Variants in KAT6A observed in about 807,000 individuals in gnomAD.
KAT6A encodes lysine acetyltransferase 6A.
KAT6A carries 9 observed loss-of-function variants against 198.4 expected under a neutral mutation model. The ratio of observed to expected loss-of-function variants is 0.05; its 90% CI spans 0.03 to 0.08. The LOEUF (loss-of-function observed/expected upper bound fraction) is 0.08, where lower values mean the gene tolerates loss of function less well. Ranked by LOEUF, KAT6A falls within the 10% of genes least tolerant of loss-of-function variation. The pLI, the probability that KAT6A is intolerant of heterozygous loss-of-function variation, is 1.00. For missense variants in KAT6A, 2,077 were observed against 2,509.9 expected, an observed-to-expected ratio of 0.83 and a Z score of 3.69; for synonymous variants, 890 against 883.0, an observed-to-expected ratio of 1.01 and a Z score of -0.14.
chr8:41,986,893 C>A lies in KAT6A; in HGVS notation c.709+562G>T, dbSNP rs141843993. 1.4e-3 allele frequency among the ~76,000 whole-genome samples: 215 copies of A among 152,178 alleles called. 3 individuals are homozygous for A. Among genetic ancestry groups the A allele is most frequent in the African/African-American group, 4.6e-3 (193 of 41,512 alleles). ...TCTCTACTAAAAATATAAAAATTAG[C>A]CAGGTGTGGTGGCAGGCACCTGTAA... On this transcript the variant is annotated intron_variant, in intron 3 of 16. Transcript: ENST00000265713.
intron 9 of KAT6A, among the ~76,000 whole-genome samples, chr8:41,950,757 G>GTC (rs1822627375): frequency 6.6e-6 from 1 of 152,052 alleles, no homozygotes; most frequent in Non-Finnish European, 1.5e-5. Flanking sequence ...CAACTGTTAG[G>GTC]TCTCAGCACA....
intron 15 of KAT6A, among the ~76,000 whole-genome samples, chr8:41,939,536 C>T (rs1454357113): frequency 1.3e-5 from 2 of 152,114 alleles, no homozygotes; most frequent in African/African-American, 4.8e-5. Flanking sequence ...TGCCCAGCTT[C>T]CCTATACATA....
chr8:41,987,516 T>G lies in KAT6A; in HGVS notation c.648A>C (p.Lys216Asn). 6.2e-7 allele frequency: 1 copy of G among 1,613,866 alleles called. No individual in the cohort carries two copies. Among genetic ancestry groups the G allele is most frequent in the Non-Finnish European group, 8.5e-7 (1 of 1,179,744 alleles). ...CTGGCTTCTTTTCTCGGTTTTGTTC[T>G]TTTGTACCAAGACAGAAACTACAGA... ...IPICSFCLGT[K>N]EQNREKKPEE... The change falls in exon 3 of 17, where the codon AAA becomes AAC. Residue 216 changes from lysine (K) to asparagine (N), a missense_variant. Transcript: ENST00000265713.
At chr8:41,943,068 T>C in intron 13 of KAT6A, 68 bp from the exon 14 acceptor site, 1 of 1,590,372 alleles carries the variant, frequency 6.3e-7, no homozygotes, top group South Asian at 1.1e-5. Context: ...AATGTGGAGA[T>C]GAGACCCCTG....
intron 8 of KAT6A, among the ~76,000 whole-genome samples, chr8:41,973,845 C>T (rs1823921621): frequency 6.6e-6 from 1 of 152,088 alleles, no homozygotes; most frequent in Admixed American, 6.5e-5. Context: ...TCCTTTAAGG[C>T]CCCTCAATGA....
chr8:42,029,520 G>A (rs989179822), intron 2 of KAT6A, among the ~76,000 whole-genome samples: 1 of 148,562 alleles, frequency 6.7e-6, no homozygotes, highest in Non-Finnish European at 1.5e-5. Flanking sequence ...CCTTTCTTCT[G>A]CTTGATCTAG....
intron 8 of KAT6A, among the ~76,000 whole-genome samples, chr8:41,962,307 C>T (rs1012065915): frequency 5.3e-5 from 8 of 152,128 alleles, no homozygotes; most frequent in Non-Finnish European, 1.2e-4. Context: ...CCACTATCTA[C>T]TTGATATCCC....
intron 3 of KAT6A, among the ~76,000 whole-genome samples, chr8:41,982,695 T>C (rs891685573): frequency 1.3e-5 from 2 of 152,256 alleles, no homozygotes; most frequent in Non-Finnish European, 2.9e-5. Flanking sequence ...GGTATCACCA[T>C]GCTAGTGTTA....
chr8:42,013,686 T>C (rs1317863170), intron 2 of KAT6A, among the ~76,000 whole-genome samples: 1 of 152,232 alleles, frequency 6.6e-6, no homozygotes, highest in Non-Finnish European at 1.5e-5. Context: ...AAAACTGTCC[T>C]TGATATTTAC....
chr8:41,950,384 C>T (rs1407946446), intron 9 of KAT6A, among the ~76,000 whole-genome samples: 1 of 152,128 alleles, frequency 6.6e-6, no homozygotes, highest in Non-Finnish European at 1.5e-5. Flanking sequence ...TTCCTGAATA[C>T]CTGGATTCTG....
intron 14 of KAT6A, chr8:41,942,217 ACAGGATGTTTTGGTGCCCCAT>A (rs1408419968): frequency 9.2e-6 from 2 of 217,092 alleles, no homozygotes; most frequent in Non-Finnish European, 1.9e-5. Flanking sequence ...CTGTGTGTCC[ACAGGATGTTTTGGTGCCCCAT>A]CAGAAAACAT....
intron 2 of KAT6A, among the ~76,000 whole-genome samples, chr8:42,022,237 A>G (rs1225810662): frequency 6.6e-6 from 1 of 152,126 alleles, no homozygotes; most frequent in Non-Finnish European, 1.5e-5. Context: ...TCAGTATCAA[A>G]CCTGATACTG....
chr8:41,932,482 G>A lies in KAT6A; in HGVS notation c.5738C>T (p.Ser1913Phe), dbSNP rs1821599462. 6.2e-7 allele frequency: 1 copy of A among 1,614,246 alleles called. No homozygotes were observed. The highest frequency in any genetic ancestry group is 8.5e-7 in the Non-Finnish European group (1 of 1,180,036). ...GGCATTCAAGGTGTTCATATTCATG[G>A]AATTGACATTATAGGCGGGAGTAGG... ...LMPTPAYNVN[S>F]MNMNTLNAMN... Residue 1913 changes from serine to phenylalanine, a missense_variant, in exon 17 of 17, where the codon TCC becomes TTC. Transcript: ENST00000265713.
intron 2 of KAT6A, among the ~76,000 whole-genome samples, chr8:42,046,937 C>T (rs529202513): frequency 3.3e-5 from 5 of 151,992 alleles, no homozygotes; most frequent in Admixed American, 6.5e-5. Context: ...AAAATTGAAC[C>T]CTGAAATAGA....
chr8:42,016,623 G>A (rs1826282352), intron 2 of KAT6A, among the ~76,000 whole-genome samples: 1 of 152,078 alleles, frequency 6.6e-6, no homozygotes, highest in African/African-American at 2.4e-5. Flanking sequence ...AAAGAGAACT[G>A]TAATGTGAGA....
At chr8:41,976,299 G>A (rs989517394) in intron 7 of KAT6A, among the ~76,000 whole-genome samples, 6 of 152,134 alleles carry the variant, frequency 3.9e-5, no homozygotes, top group Admixed American at 2.6e-4. Context: ...CCTTCACAGG[G>A]TTAGTATCTC....
intron 9 of KAT6A, 65 bp from the exon 10 acceptor site, chr8:41,949,428 A>C: frequency 8.0e-7 from 1 of 1,249,306 alleles, no homozygotes; most frequent in South Asian, 2.5e-5. Flanking sequence ...AACTTCCACA[A>C]TTATCATCTT....
intron 2 of KAT6A, among the ~76,000 whole-genome samples, chr8:42,009,920 AAAAAC>A: frequency 2.7e-5 from 4 of 150,542 alleles, no homozygotes; most frequent in African/African-American, 9.7e-5. Flanking sequence ...AAAAACAAAA[AAAAAC>A]AAAACCACAA....
intron 2 of KAT6A, among the ~76,000 whole-genome samples, chr8:42,022,219 C>A (rs1343379218): frequency 1.3e-5 from 2 of 151,990 alleles, no homozygotes; most frequent in African/African-American, 4.8e-5. Context: ...AAAAGACTGA[C>A]AAACCTATCA....
Sources: gnomAD v4.1 joint callset for allele counts (sites outside exome capture counted in the v4.1 genomes callset) on GRCh38, gnomAD v4.1.1 for gene constraint, MANE v1.5 for transcripts, NCBI Gene and HGNC (gene_info 2026-07-23, HGNC 2026-07-21) for gene names.